Variants in PPP2R1B observed in about 807,000 individuals in gnomAD.
The protein encoded by PPP2R1B is serine/threonine-protein phosphatase 2A 65 kDa regulatory subunit A beta isoform.
PPP2R1B carries 58 observed loss-of-function variants against 72.7 expected under a neutral mutation model. The ratio of observed to expected loss-of-function variants is 0.80; its 90% CI spans 0.65 to 0.99. The LOEUF (loss-of-function observed/expected upper bound fraction) is 0.99. Among genes scored for constraint, PPP2R1B ranks in the 50% least tolerant of loss-of-function variants. The pLI is 0.00. For missense variants in PPP2R1B, 695 were observed against 733.6 expected (o/e 0.95, Z 0.61); for synonymous variants, 256 against 264.6 (o/e 0.97, Z 0.32).
Position 111,740,903 on chromosome 11 carries a change from G to A in PPP2R1B, c.*693C>T, listed in dbSNP as rs1177570779. Reference sequence around the variant, plus strand: ...AAGTATTTTTAAATGTAGGCACAGTGGTGAGCTGTTCAAATTCAGTTAGGC... The same window carrying A: ...AAGTATTTTTAAATGTAGGCACAGTAGTGAGCTGTTCAAATTCAGTTAGGC... On this transcript the variant is annotated 3_prime_UTR_variant, in exon 15 of 15. Transcript: ENST00000527614. 1.0e-6 allele frequency: 1 copy of A among 985,344 alleles called. No individual in the cohort carries two copies. Among genetic ancestry groups the A allele is most frequent in the African/African-American group, 1.7e-5 (1 of 57,240 alleles). The allele number at this position is 985,344 out of a possible 1,614,324, so 61.0% of individuals were successfully genotyped here.
Position 111,740,549 on chromosome 11 carries a change from T to G in PPP2R1B, c.*1047A>C. Reference sequence around the variant, plus strand: ...ACTATTAATTTGCTTCAGTAAACTCTTCAGCTTAACTCATTATCTTAAATT... The same window carrying G: ...ACTATTAATTTGCTTCAGTAAACTCGTCAGCTTAACTCATTATCTTAAATT... On this transcript the variant is annotated 3_prime_UTR_variant, in exon 15 of 15. Coordinates refer to ENST00000527614, the MANE Select transcript of PPP2R1B (RefSeq NM_002716.5). 1 of 985,110 alleles carries G rather than the reference T, an allele frequency of 1.0e-6. No individual in the cohort carries two copies. 61.0% of individuals were successfully genotyped at this position (985,110 alleles called of 1,614,324 possible).
chr11:111,693,281 C>T, the PPP2R1B span, among the ~76,000 whole-genome samples: 1 of 151,776 alleles, frequency 6.6e-6, no homozygotes, highest in East Asian at 1.9e-4. Flanking sequence ...TTGCAGTGAG[C>T]CGAGATTGTG....
Position 111,742,579 on chromosome 11 carries a change from A to G in PPP2R1B, c.1641T>C (p.Asn547=). ...GAGATTTGGCCACATTGAAGCGAAC[A>G]TTTGCTACTTGGTCTCCTGCCATTT... ...VLKMAGDQVA[N]VRFNVAKSLQ... is the part of the protein sequence containing the mutation. Residue 547 remains asparagine (N), a synonymous_variant, in exon 13 of 15, where the codon AAT becomes AAC. Transcript: ENST00000527614. 6.2e-7 allele frequency: 1 copy of G among 1,613,944 alleles called. No individual in the cohort carries two copies. The highest frequency in any genetic ancestry group is 8.5e-7 in the Non-Finnish European group (1 of 1,179,970).
intron 15 of PPP2R1B, chr11:111,727,468 T>C: frequency 5.1e-6 from 1 of 196,198 alleles, no homozygotes; most frequent in Non-Finnish European, 1.1e-5. Context: ...CTTGTGTCCC[T>C]TCCCAACTCT....
Position 111,747,948 on chromosome 11 carries a change from A to C in PPP2R1B, c.1399+6T>G, listed in dbSNP as rs1329096131. The C allele has an allele frequency of 6.2e-7, 1 of 1,605,976 alleles. No homozygotes were observed. Among genetic ancestry groups the C allele is most frequent in the Non-Finnish European group, 8.5e-7 (1 of 1,173,602 alleles). ...GGCTTTCAATAATCTGTTTTTATCT[A>C]CTCACCATGGTCCACGAGCCAAGCC... On this transcript the variant is annotated splice_donor_region_variant and intron_variant, in intron 11 of 14. Coordinates refer to ENST00000527614, the MANE Select transcript of PPP2R1B (RefSeq NM_002716.5).
chr11:111,742,725 A>G (rs1944568400), intron 12 of PPP2R1B, 60 bp from the exon 13 acceptor site: 1 of 1,408,306 alleles, frequency 7.1e-7, no homozygotes, highest in African/African-American at 1.5e-5. Context: ...AAATCTAATG[A>G]AACAAATTAA....
At chr11:111,704,769 C>G in the PPP2R1B span, among the ~76,000 whole-genome samples, 1 of 152,136 alleles carries the variant, frequency 6.6e-6, no homozygotes, top group Admixed American at 6.5e-5. Context: ...GGCTGGTAAA[C>G]CCATTTAAAG....
At chr11:111,693,004 A>AG in the PPP2R1B span, among the ~76,000 whole-genome samples, 1 of 152,124 alleles carries the variant, frequency 6.6e-6, no homozygotes, top group African/African-American at 2.4e-5. Context: ...CATGGCTTTG[A>AG]GATCAGTTTC....
At chr11:111,701,058 A>T in the PPP2R1B span, 4 of 1,584,954 alleles carry the variant, frequency 2.5e-6, no homozygotes, top group Non-Finnish European at 3.4e-6. This position sits in a 1 kb window ranked among gnomAD's most constrained non-coding sequence, Gnocchi z 4.2. Flanking sequence ...TACTGATAAT[A>T]CTTGGTGTTC....
At chr11:111,751,517 G>A (rs1555047926) in intron 10 of PPP2R1B, among the ~76,000 whole-genome samples, 1 of 152,168 alleles carries the variant, frequency 6.6e-6, no homozygotes, top group Non-Finnish European at 1.5e-5. Context: ...ATGCTCAAAG[G>A]AAATGCTCAT....
At chr11:111,750,129 C>T (rs1555047439) in intron 10 of PPP2R1B, among the ~76,000 whole-genome samples, 1 of 152,202 alleles carries the variant, frequency 6.6e-6, no homozygotes, top group African/African-American at 2.4e-5. Flanking sequence ...AAGAATCGGA[C>T]ACTTTCAATT....
At chr11:111,728,176 G>A (rs1179315862) in intron 15 of PPP2R1B, 1 of 152,218 alleles carries the variant, frequency 6.6e-6, no homozygotes, top group East Asian at 1.9e-4. Flanking sequence ...CGAGCCACTC[G>A]GTCTCTTTGT....
chr11:111,743,004 C>G (rs1449456418), intron 12 of PPP2R1B, among the ~76,000 whole-genome samples: 1 of 152,042 alleles, frequency 6.6e-6, no homozygotes, highest in Non-Finnish European at 1.5e-5. Context: ...AGGGAGTCTC[C>G]TGCCTCAGCC....
chr11:111,734,062 G>A (rs1216342940), downstream of PPP2R1B, among the ~76,000 whole-genome samples: 3 of 152,258 alleles, frequency 2.0e-5, no homozygotes, highest in African/African-American at 7.2e-5. Flanking sequence ...TGGTAACTTG[G>A]AGCACAGGCT....
chr11:111,739,179 T>G lies in PPP2R1B; in HGVS notation c.*2417A>C. 1 of 984,970 alleles carries G rather than the reference T, an allele frequency of 1.0e-6. No homozygotes were observed. The highest frequency in any genetic ancestry group is 1.2e-6 in the Non-Finnish European group (1 of 829,562). 61.0% of individuals were successfully genotyped at this position (984,970 alleles called of 1,614,324 possible). A position where few individuals can be genotyped will look rare whatever the true frequency, so the allele number is the denominator to read the frequency against. On this transcript the variant is annotated 3_prime_UTR_variant, in exon 15 of 15. Coordinates refer to ENST00000527614, the MANE Select transcript of PPP2R1B (RefSeq NM_002716.5). ...GGAGGATATTTTAGAAATTCATCCATTGAACACATTTTTATTGAGCACCTA... is the reference window on the plus strand; with the variant it reads ...GGAGGATATTTTAGAAATTCATCCAGTGAACACATTTTTATTGAGCACCTA...
At chr11:111,698,577 AC>A in the PPP2R1B span, among the ~76,000 whole-genome samples, 1 of 152,224 alleles carries the variant, frequency 6.6e-6, no homozygotes. Flanking sequence ...CCCTGTCTCT[AC>A]TAAAAATACA....
downstream of PPP2R1B, chr11:111,726,861 G>T: frequency 1.9e-6 from 2 of 1,031,518 alleles, no homozygotes; most frequent in Non-Finnish European, 2.9e-6. Context: ...AGGCTCCTCT[G>T]AAGAGACTTT....
the PPP2R1B span, among the ~76,000 whole-genome samples, chr11:111,710,847 A>G: frequency 1.3e-5 from 2 of 152,138 alleles, no homozygotes; most frequent in African/African-American, 4.8e-5. Flanking sequence ...ATCTCATACC[A>G]TTTTGTCCCT....
downstream of PPP2R1B, among the ~76,000 whole-genome samples, chr11:111,736,935 CCACT>C (rs1240487734): frequency 3.9e-5 from 6 of 152,146 alleles, no homozygotes; most frequent in Non-Finnish European, 8.8e-5. Context: ...TGGCTGGCAC[CCACT>C]GACTGCTGAA....
Sources: gnomAD v4.1 joint callset for allele counts (sites outside exome capture counted in the v4.1 genomes callset) on GRCh38, gnomAD v4.1.1 for gene constraint, Gnocchi (gnomAD v3.1) non-coding constraint, MANE v1.5 for transcripts, NCBI Gene and HGNC (gene_info 2026-07-23, HGNC 2026-07-21) for gene names.